The following TIMP2 variants were observed in gnomAD, a reference collection of about 807,000 sequenced individuals.
TIMP2 encodes the protein TIMP metallopeptidase inhibitor 2.
A neutral mutation model predicts 24.3 loss-of-function variants in TIMP2; 5 were observed. The observed-to-expected ratio is 0.21, with a 90% CI of 0.11 to 0.43. The LOEUF is 0.43. Among genes scored for constraint, TIMP2 ranks in the 20% least tolerant of loss-of-function variants. The pLI, the probability that TIMP2 is intolerant of heterozygous loss-of-function variation, is 1.00. For synonymous variants in TIMP2, 130 were observed against 123.2 expected, an observed-to-expected ratio of 1.06 and a Z score of -0.37; for missense variants, 221 against 297.5, an observed-to-expected ratio of 0.74 and a Z score of 1.89.
At chr17:78,893,234 CAT>C (rs1451999688) in intron 1 of TIMP2, among the ~76,000 whole-genome samples, 6 of 96,730 alleles carry the variant, frequency 6.2e-5, no homozygotes, top group African/African-American at 2.1e-4. Flanking sequence ...GGTGTGTGTG[CAT>C]GTGTGTGTAG....
chr17:78,860,814 T>C (rs1438883734), intron 3 of TIMP2, among the ~76,000 whole-genome samples: 1 of 152,100 alleles, frequency 6.6e-6, no homozygotes, highest in Non-Finnish European at 1.5e-5. Context: ...GGTGGGCAGA[T>C]CACTTGAGGT....
At chr17:78,923,046 A>C (rs11077404) in intron 1 of TIMP2, among the ~76,000 whole-genome samples, 119,465 of 151,868 alleles carry the variant, frequency 0.79, 47,579 homozygotes, top group Admixed American at 0.87. Flanking sequence ...CATTTGTGGT[A>C]GTTTGTCACA....
In TIMP2 at chr17:78,885,599, G is replaced by A. The variant is rs570994552; in HGVS notation, c.131-11680C>T. ...GGCACTTCGGGGAGGATTTAGGCTC[G>A]CAAGGCAGGGGGCAGGCCCTGTGCA... On this transcript the variant is annotated intron_variant, in intron 1 of 4. Coordinates refer to ENST00000262768, the MANE Select transcript of TIMP2 (RefSeq NM_003255.5). Among the ~76,000 whole-genome samples, 7 of 152,290 alleles carry A rather than the reference G, an allele frequency of 4.6e-5. No homozygotes were observed. The East Asian group carries it at 5.8e-4, about 13-fold the overall frequency.
chr17:78,899,615 C>T (rs1321019079), intron 1 of TIMP2: 1 of 152,254 alleles, frequency 6.6e-6, no homozygotes, highest in Non-Finnish European at 1.5e-5. Context: ...GCCCTGGCTC[C>T]CCTGGGAGCC....
intron 3 of TIMP2, 25 bp downstream of exon 3, chr17:78,870,873 G>A (rs202021330): frequency 6.9e-6 from 11 of 1,600,584 alleles, no homozygotes; most frequent in Admixed American, 3.3e-5. Flanking sequence ...GCCAGCCTCC[G>A]GCTGATGGCC....
At position 78,891,782 on chromosome 17, in the gene TIMP2, T is replaced by C. The variant is rs1179002350; in HGVS notation, c.131-17863A>G. On this transcript the variant is annotated intron_variant, in intron 1 of 4. Coordinates refer to ENST00000262768, the MANE Select transcript of TIMP2 (RefSeq NM_003255.5). The surrounding 1 kb of genome is among the most constrained non-coding windows in gnomAD (Gnocchi z 4.5). ...GTCCGCCCCTTTGCTCCTCCGAGGA[T>C]GGATGGCACAGCGGCCACCCCCAGA... 1.9e-6 allele frequency: 3 copies of C among 1,551,148 alleles called. No individual in the cohort carries two copies. The East Asian group carries it at 7.3e-5, about 38-fold the overall frequency.
chr17:78,924,626 G>A lies in TIMP2; in HGVS notation c.130+333C>T, dbSNP rs113884354. Among the ~76,000 whole-genome samples, 13,274 of 148,588 alleles carry A rather than the reference G, an allele frequency of 0.089. 650 individuals carry two copies. The highest frequency in any genetic ancestry group is 0.14 in the Middle Eastern group (41 of 288). On this transcript the variant is annotated intron_variant, in intron 1 of 4. Coordinates refer to ENST00000262768, the MANE Select transcript of TIMP2 (RefSeq NM_003255.5). This position sits in a 1 kb window ranked among gnomAD's most constrained non-coding sequence, Gnocchi z 5.3. ...CCCGCCCCCACGCCGTGTCCCCCAC[G>A]CTCCCCGCCCCCAGCGCTGGCATCC...
rs2070337002 is a variant in TIMP2 at position 78,924,834 on chromosome 17, C to T, written c.130+125G>A. 1 of 500,258 alleles carries T rather than the reference C, an allele frequency of 2.0e-6. No homozygotes were observed. The highest frequency in any genetic ancestry group is 5.0e-5 in the East Asian group (1 of 19,960). The allele number at this position is 500,258 out of a possible 1,614,324, so 31.0% of individuals were successfully genotyped here. The stretch of plus-strand genomic sequence containing the variant: ...TCCACTTGCAGGATTCGAGAAGGCG[C>T]CGAGGGACCAGGAGGCGGGCGCTGG... On this transcript the variant is annotated intron_variant, in intron 1 of 4. Transcript: ENST00000262768. The surrounding 1 kb of genome is among the most constrained non-coding windows in gnomAD (Gnocchi z 5.3).
intron 1 of TIMP2, among the ~76,000 whole-genome samples, chr17:78,919,428 C>A (rs1036225381): frequency 1.3e-5 from 2 of 152,216 alleles, no homozygotes; most frequent in African/African-American, 4.8e-5. Flanking sequence ...CCTGTGCACA[C>A]CCCACCCTGC....
chr17:78,867,258 A>C (rs1238830984), intron 3 of TIMP2, among the ~76,000 whole-genome samples: 1 of 152,160 alleles, frequency 6.6e-6, no homozygotes, highest in Non-Finnish European at 1.5e-5. Flanking sequence ...CTGTCTTGGA[A>C]TGAGAATAAG....
rs115997189 is a variant in TIMP2, at chr17:78,890,596, C to A, written c.131-16677G>T. The A allele has an allele frequency of 1.1e-3, 1,648 of 1,525,622 alleles. 20 individuals carry two copies. The African/African-American group carries it at 0.02, about 19-fold the overall frequency. The allele number at this position is 1,525,622 out of a possible 1,614,324, so 94.5% of individuals were successfully genotyped here. On this transcript the variant is annotated intron_variant, in intron 1 of 4. Coordinates refer to ENST00000262768, the MANE Select transcript of TIMP2 (RefSeq NM_003255.5). ...GACCCGGGTACCAGTGCTGGCAGCACCATTATCAGTGATGTATTTACCCCG... is the reference window on the plus strand; with the variant it reads ...GACCCGGGTACCAGTGCTGGCAGCAACATTATCAGTGATGTATTTACCCCG...
intron 1 of TIMP2, among the ~76,000 whole-genome samples, chr17:78,885,405 G>T (rs1039534230): frequency 5.3e-5 from 8 of 152,230 alleles, no homozygotes; most frequent in African/African-American, 1.9e-4. Flanking sequence ...CCACATCTGG[G>T]ATCCTCACCG....
intron 1 of TIMP2, chr17:78,901,699 C>A: frequency 1.4e-6 from 1 of 716,374 alleles, no homozygotes; most frequent in South Asian, 1.5e-5. Context: ...GGGATGATAA[C>A]AACAGCAGCA....
At chr17:78,868,920 G>A (rs2069642927) in intron 3 of TIMP2, among the ~76,000 whole-genome samples, 2 of 152,152 alleles carry the variant, frequency 1.3e-5, no homozygotes, top group Non-Finnish European at 2.9e-5. Flanking sequence ...ACTGGAGCGG[G>A]TGCTGTGGCA....
intron 1 of TIMP2, among the ~76,000 whole-genome samples, chr17:78,875,890 C>T (rs890598395): frequency 6.6e-6 from 1 of 152,200 alleles, no homozygotes; most frequent in Non-Finnish European, 1.5e-5. Flanking sequence ...CAGAGTCCCA[C>T]ACCACAGCCC....
In TIMP2 at chr17:78,891,110, A is replaced by G. The variant is rs2069884980; in HGVS notation, c.131-17191T>C. ...CTCTTGTCCAGATTCAGTGCTATAC[A>G]ATAATGAGTCCTCTTTGTTGATAAA... On this transcript the variant is annotated intron_variant, in intron 1 of 4. Coordinates refer to ENST00000262768, the MANE Select transcript of TIMP2 (RefSeq NM_003255.5). The surrounding 1 kb of genome is among the most constrained non-coding windows in gnomAD (Gnocchi z 4.5). The G allele has an allele frequency of 1.3e-6, 2 of 1,550,806 alleles. No individual in the cohort carries two copies. Among genetic ancestry groups the G allele is most frequent in the Non-Finnish European group, 1.7e-6 (2 of 1,147,030 alleles).
intron 1 of TIMP2, among the ~76,000 whole-genome samples, chr17:78,907,217 T>C (rs938563172): frequency 6.6e-6 from 1 of 151,824 alleles, no homozygotes; most frequent in Admixed American, 6.6e-5. Flanking sequence ...TAATTTTTTG[T>C]GGAGATGGGG....
At chr17:78,867,192 T>C (rs1222591185) in intron 3 of TIMP2, among the ~76,000 whole-genome samples, 1 of 152,090 alleles carries the variant, frequency 6.6e-6, no homozygotes, top group Admixed American at 6.6e-5. Flanking sequence ...GAGGCAGAGG[T>C]TGCTGTGAGC....
At chr17:78,915,686 A>T (rs1430796797) in intron 1 of TIMP2, among the ~76,000 whole-genome samples, 1 of 151,862 alleles carries the variant, frequency 6.6e-6, no homozygotes, top group Non-Finnish European at 1.5e-5. Context: ...CGCCCAGCTA[A>T]TTTTTTTATT....
Sources: allele counts gnomAD v4.1 joint callset (sites outside exome capture counted in the v4.1 genomes callset), GRCh38; gene constraint gnomAD v4.1.1; non-coding constraint Gnocchi (gnomAD v3.1); transcripts MANE v1.5; gene names NCBI Gene and HGNC (gene_info 2026-07-23, HGNC 2026-07-21).